MYO18A: variants seen among roughly 807,000 people sequenced by gnomAD.
The protein encoded by MYO18A is unconventional myosin-XVIIIa.
A neutral mutation model predicts 235.8 loss-of-function variants in MYO18A; 78 were observed. The observed-to-expected ratio is 0.33, with a 90% CI of 0.28 to 0.40. MYO18A has a LOEUF of 0.40. MYO18A is among the 10% of genes least tolerant of loss of function. MYO18A has a pLI of 1.00. For synonymous variants in MYO18A, 977 were observed against 1,077.8 expected, an observed-to-expected ratio of 0.91 and a Z score of 1.83; for missense variants, 2,215 against 2,699.3, an observed-to-expected ratio of 0.82 and a Z score of 3.98.
intron 2 of MYO18A, chr17:29,131,274 C>T: frequency 1.7e-6 from 1 of 584,524 alleles, no homozygotes; most frequent in Non-Finnish European, 2.2e-6. Context: ...TAGTCCAGGG[C>T]TAGTGGGTGC....
At chr17:29,096,695 A>C (rs1407570878) in intron 28 of MYO18A, 66 bp downstream of exon 28, 1 of 1,457,450 alleles carries the variant, frequency 6.9e-7, no homozygotes, top group African/African-American at 1.4e-5. Flanking sequence ...CTGGAGGGCG[A>C]GGAGGCAGTC....
intron 2 of MYO18A, among the ~76,000 whole-genome samples, chr17:29,127,130 AAACCCTTATT>A (rs1323524822): frequency 6.6e-6 from 1 of 152,168 alleles, no homozygotes; most frequent in Non-Finnish European, 1.5e-5. Context: ...TGGTTACTTA[AAACCCTTATT>A]AACCCTTATT....
At chr17:29,105,669 A>G (rs1188922727) in intron 20 of MYO18A, among the ~76,000 whole-genome samples, 1 of 152,084 alleles carries the variant, frequency 6.6e-6, no homozygotes, top group East Asian at 1.9e-4. Context: ...TCTGCTGGGA[A>G]GGTGAGCCAG....
intron 1 of MYO18A, among the ~76,000 whole-genome samples, chr17:29,179,857 G>A (rs967486378): frequency 6.6e-6 from 1 of 152,098 alleles, no homozygotes; most frequent in Non-Finnish European, 1.5e-5. Flanking sequence ...GGTCGGTAGA[G>A]GTGCTCCCCT....
In MYO18A at chr17:29,095,039, T is replaced by C; in HGVS notation, c.4406A>G (p.Gln1469Arg). ...KQRRFDSELS[Q>R]AHEEAQREKL... ...CTCCCGCTGGGCCTCCTCATGCGCC[T>C]GCGAGAGCTCACTGTCAAACCTGCG... The change falls in exon 29 of 42, where the codon CAG (glutamine) becomes CGG (arginine). Residue 1469 changes from glutamine to arginine, a missense_variant. Coordinates refer to ENST00000527372, the MANE Select transcript of MYO18A (RefSeq NM_078471.4). 2 of 1,555,672 alleles carry C rather than the reference T, an allele frequency of 1.3e-6. No homozygotes were observed. The highest frequency in any genetic ancestry group is 1.7e-6 in the Non-Finnish European group (2 of 1,148,922).
At chr17:29,119,776 C>A (rs564964118) in intron 7 of MYO18A, among the ~76,000 whole-genome samples, 1 of 152,074 alleles carries the variant, frequency 6.6e-6, no homozygotes, top group Non-Finnish European at 1.5e-5. Flanking sequence ...GTTGGCCAGG[C>A]TGTTCTTGAG....
rs1288677692 is a variant in MYO18A, at chr17:29,120,649, G to A, written c.1695C>T (p.Asp565=). The A allele has an allele frequency of 6.2e-7, 1 of 1,613,986 alleles. No homozygotes were observed. Among genetic ancestry groups the A allele is most frequent in the Non-Finnish European group, 8.5e-7 (1 of 1,179,868 alleles). The change falls in exon 7 of 42, where the codon GAC becomes GAT. Residue 565 remains aspartate, a synonymous_variant. Coordinates refer to ENST00000527372, the MANE Select transcript of MYO18A (RefSeq NM_078471.4). This position sits in a 1 kb window ranked among gnomAD's most constrained non-coding sequence, Gnocchi z 4.2. The part of the protein sequence containing the change: ...RFSQILSLDF[D]QAGQVASASI... The stretch of plus-strand genomic sequence containing the variant: ...AGGCTGAGGCCACCTGGCCAGCTTG[G>A]TCAAAGTCCAGGGAGAGGATCTGGG...
chr17:29,131,479 G>A, intron 2 of MYO18A: 6 of 973,300 alleles, frequency 6.2e-6, no homozygotes, highest in Non-Finnish European at 7.3e-6. Context: ...GGCAGGTCAA[G>A]GCTGGGAGAC....
In MYO18A at chr17:29,074,705, C is replaced by T. The variant is rs7502167; in HGVS notation, c.*65G>A. ...GGGGGAGACCGGTGCCCCACCACTT[C>T]CTGGGAGAGGTGCCCAGGCAGCCAC... On this transcript the variant is annotated 3_prime_UTR_variant, in exon 42 of 42. Transcript: ENST00000527372. This position sits in a 1 kb window ranked among gnomAD's most constrained non-coding sequence, Gnocchi z 4.4. 6.3e-7 allele frequency: 1 copy of T among 1,582,374 alleles called. No individual in the cohort carries two copies. The highest frequency in any genetic ancestry group is 8.7e-7 in the Non-Finnish European group (1 of 1,153,854).
At chr17:29,110,655 C>T in intron 17 of MYO18A, 33 bp from the exon 18 acceptor site, 1 of 1,581,876 alleles carries the variant, frequency 6.3e-7, no homozygotes. Flanking sequence ...GGAGGAAAAG[C>T]AGTCACATCG....
chr17:29,082,414 C>T lies in MYO18A; in HGVS notation c.5922G>A (p.Ser1974=), dbSNP rs201924424. The T allele has an allele frequency of 1.2e-4, 189 of 1,613,560 alleles. No individual in the cohort carries two copies. Among genetic ancestry groups the T allele is most frequent in the Non-Finnish European group, 1.5e-4 (173 of 1,179,854 alleles). The change falls in exon 41 of 42, where the codon TCG becomes TCA. Residue 1974 remains serine (S), a synonymous_variant. Transcript: ENST00000527372. ...CCCCGTCAACACGGTCCTCCAGCTC[C>T]GAGTCCACATCAGAGTCTCCCTCAC... The part of the protein sequence containing the change: ...NKLEGDSDVD[S]ELEDRVDGVK...
chr17:29,107,082 G>T lies in MYO18A; in HGVS notation c.3439C>A (p.Arg1147=). The change falls in exon 20 of 42, where the codon CGG becomes AGG. Residue 1147 remains arginine (R), a splice_region_variant and synonymous_variant. Transcript: ENST00000527372. ...GCGGTCTGGGGACCTGGACCTACCC[G>T]CCTTTCATCCACCACGATGTAGTTA... is the stretch of plus-strand genomic sequence containing the variant. ...GRNYIVVDER[R]AVEELLECLD... The T allele has an allele frequency of 6.2e-7, 1 of 1,613,854 alleles. No homozygotes were observed. The highest frequency in any genetic ancestry group is 1.6e-4 in the Middle Eastern group (1 of 6,062).
chr17:29,097,409 G>A, intron 26 of MYO18A, 59 bp from the exon 27 acceptor site: 1 of 1,588,018 alleles, frequency 6.3e-7, no homozygotes, highest in South Asian at 1.1e-5. Context: ...AGAAGGGGCA[G>A]AGGGGAAGGA....
intron 14 of MYO18A, 44 bp from the exon 15 acceptor site, chr17:29,114,141 G>T: frequency 6.9e-7 from 1 of 1,454,308 alleles, no homozygotes; most frequent in Non-Finnish European, 9.5e-7. Context: ...GGGTCACATT[G>T]TGGGGAACAG....
Position 29,114,910 on chromosome 17 carries a change from C to T in MYO18A, c.2508G>A (p.Lys836=). 1.9e-6 allele frequency: 3 copies of T among 1,613,202 alleles called. No individual in the cohort carries two copies. Among genetic ancestry groups the T allele is most frequent in the Non-Finnish European group, 2.5e-6 (3 of 1,179,444 alleles). ...RTFVQELERY[K]EENIELAFDD... is the part of the protein sequence containing the mutation. ...GAGGCCCAGGCCCCAGAGCTACCTC[C>T]TTGTATCTTTCCAACTCCTGCACGA... Residue 836 remains lysine (K), a synonymous_variant, in exon 14 of 42, where the codon AAG becomes AAA. Coordinates refer to ENST00000527372, the MANE Select transcript of MYO18A (RefSeq NM_078471.4).
intron 41 of MYO18A, chr17:29,079,756 T>C (rs963156331): frequency 1.5e-5 from 15 of 985,928 alleles, no homozygotes; most frequent in Non-Finnish European, 1.8e-5. Flanking sequence ...CCGGTACAGG[T>C]ACCGCATCAT....
intron 2 of MYO18A, among the ~76,000 whole-genome samples, chr17:29,161,704 G>A (rs1336857403): frequency 6.6e-6 from 1 of 152,150 alleles, no homozygotes; most frequent in Non-Finnish European, 1.5e-5. Context: ...CCCCTAGAAT[G>A]GACCGACTGA....
At chr17:29,077,331 A>G (rs1000373849) in intron 41 of MYO18A, 2 of 152,278 alleles carry the variant, frequency 1.3e-5, no homozygotes, top group African/African-American at 4.8e-5. Context: ...CCTCCTCACA[A>G]GCCAGCGTCT....
intron 1 of MYO18A, among the ~76,000 whole-genome samples, chr17:29,177,048 A>G (rs948905725): frequency 6.6e-6 from 1 of 152,188 alleles, no homozygotes; most frequent in African/African-American, 2.4e-5. Flanking sequence ...CAGTTCCGCT[A>G]ACATCCCCTT....
Sources: gnomAD v4.1 joint callset for allele counts (sites outside exome capture counted in the v4.1 genomes callset) on GRCh38, gnomAD v4.1.1 for gene constraint, Gnocchi (gnomAD v3.1) non-coding constraint, MANE v1.5 for transcripts, NCBI Gene and HGNC (gene_info 2026-07-23, HGNC 2026-07-21) for gene names.